The following CIP2A variants were observed in gnomAD, a reference collection of about 807,000 sequenced individuals.
CIP2A encodes the protein cellular inhibitor of PP2A, also known as protein CIP2A.
Under a neutral mutation model 110.9 loss-of-function variants are expected in CIP2A, and 103 were observed. The observed-to-expected ratio is 0.93, with a 90% CI of 0.79 to 1.09. The LOEUF (loss-of-function observed/expected upper bound fraction) is 1.09. CIP2A is among the 50% of genes least tolerant of loss of function. CIP2A has a pLI of 0.00. For missense variants in CIP2A, 1,088 were observed against 1,038.4 expected (o/e 1.05, Z -0.66); for synonymous variants, 381 against 361.6 (o/e 1.05, Z -0.61).
chr3:108,554,401 C>A lies in CIP2A; in HGVS notation c.2299G>T (p.Glu767Ter). 2 of 1,520,382 alleles carry A rather than the reference C, an allele frequency of 1.3e-6. No individual in the cohort carries two copies. Among genetic ancestry groups the A allele is most frequent in the Non-Finnish European group, 9.1e-7 (1 of 1,101,254 alleles). The allele number at this position is 1,520,382 out of a possible 1,614,324, so 94.2% of individuals were successfully genotyped here. Residue 767 changes from glutamate to a stop codon, truncating the protein, a stop_gained, in exon 18 of 21, where the codon GAG (glutamate) becomes TAG (stop). Coordinates refer to ENST00000295746, the MANE Select transcript of CIP2A (RefSeq NM_020890.3). LOFTEE classifies it high-confidence loss of function. ...TTTTCATTTTGTTCCTTGAGTGACT[C>A]ATTCAACTTTTTCACTGTCTCAATT... ...KQIETVKKLN[E>*]SLKEQNEKSI...
At chr3:108,565,588 T>C in intron 11 of CIP2A, 134 bp from the exon 12 acceptor site, 1 of 538,122 alleles carries the variant, frequency 1.9e-6, no homozygotes, top group South Asian at 2.8e-5. Flanking sequence ...GTCCTGTTTC[T>C]ATTGAGAAGT....
chr3:108,582,991 A>C lies in CIP2A; in HGVS notation c.343T>G (p.Ser115Ala). 6.2e-7 allele frequency: 1 copy of C among 1,608,818 alleles called. No individual in the cohort carries two copies. The highest frequency in any genetic ancestry group is 1.3e-5 in the African/African-American group (1 of 74,862). Reference sequence around the variant, plus strand: ...GGTCTGTATACCTGCAAAAACACCGAATCAGTGTGGCTGCTCCGACAAACC... The same window carrying C: ...GGTCTGTATACCTGCAAAAACACCGCATCAGTGTGGCTGCTCCGACAAACC... ...GVVCRSSHTDSVFLQCIQLLQ... is the reference protein window; with the variant it reads ...GVVCRSSHTDAVFLQCIQLLQ... The change falls in exon 3 of 21, where the codon TCG becomes GCG. Residue 115 changes from serine to alanine, a missense_variant. Ser to Ala is a moderately conservative substitution (Grantham distance 99). Coordinates refer to ENST00000295746, the MANE Select transcript of CIP2A (RefSeq NM_020890.3).
Position 108,579,172 on chromosome 3 carries a change from A to C in CIP2A, c.818+109T>G. ...ATCAAAACATTTTAGTCTACTGTGA[A>C]TCAGTAGAATCCAAGTTTATTATAT... On this transcript the variant is annotated intron_variant, in intron 7 of 20. Transcript: ENST00000295746. 1.1e-5 allele frequency: 9 copies of C among 829,578 alleles called. No homozygotes were observed. The South Asian group carries it at 1.4e-4, about 13-fold the overall frequency. 51.4% of individuals were successfully genotyped at this position (829,578 alleles called of 1,614,324 possible).
intron 8 of CIP2A, among the ~76,000 whole-genome samples, chr3:108,574,342 A>G (rs1391255294): frequency 6.6e-6 from 1 of 152,236 alleles, no homozygotes; most frequent in Non-Finnish European, 1.5e-5. Context: ...TGAAAAAGTG[A>G]AAAATATCAA....
At position 108,551,005 on chromosome 3, in the gene CIP2A, G is replaced by C. The variant is rs953316397; in HGVS notation, c.*144C>G. 6.4e-5 allele frequency: 24 copies of C among 374,462 alleles called. No homozygotes were observed. The highest frequency in any genetic ancestry group is 4.8e-4 in the African/African-American group (23 of 47,816). 23.2% of individuals were successfully genotyped at this position (374,462 alleles called of 1,614,324 possible). A position where few individuals can be genotyped will look rare whatever the true frequency, so the allele number is the denominator to read the frequency against. ...ATTCAAACTATCAAATAAAAAACATGCAACAGATCAGGGTCTTTACTAAAT... is the reference window on the plus strand; with the variant it reads ...ATTCAAACTATCAAATAAAAAACATCCAACAGATCAGGGTCTTTACTAAAT... On this transcript the variant is annotated 3_prime_UTR_variant, in exon 21 of 21. Coordinates refer to ENST00000295746, the MANE Select transcript of CIP2A (RefSeq NM_020890.3).
At chr3:108,578,988 T>C (rs1938772125) in intron 7 of CIP2A, among the ~76,000 whole-genome samples, 1 of 152,194 alleles carries the variant, frequency 6.6e-6, no homozygotes, top group Admixed American at 6.5e-5. Context: ...TACTTACGTT[T>C]TAAAACTGGT....
chr3:108,585,120 G>A lies in CIP2A; in HGVS notation c.195C>T (p.Asp65=). The A allele has an allele frequency of 1.2e-6, 2 of 1,613,524 alleles. No individual in the cohort carries two copies. The highest frequency in any genetic ancestry group is 1.7e-6 in the Non-Finnish European group (2 of 1,179,560). Residue 65 remains aspartate (D), a synonymous_variant, in exon 2 of 21, where the codon GAC becomes GAT. Coordinates refer to ENST00000295746, the MANE Select transcript of CIP2A (RefSeq NM_020890.3). ...AGATCAGTGAAGCACTTATGTTGGGGTCTTCAAGTAGCTCTACAAGGCAAC... is the reference window on the plus strand; with the variant it reads ...AGATCAGTGAAGCACTTATGTTGGGATCTTCAAGTAGCTCTACAAGGCAAC... ...CLSCLVELLE[D]PNISASLILS... is the part of the protein sequence containing the mutation.
Position 108,579,375 on chromosome 3 carries a change from G to C in CIP2A, c.724C>G (p.Leu242Val). The C allele has an allele frequency of 6.2e-7, 1 of 1,605,550 alleles. No individual in the cohort carries two copies. The highest frequency in any genetic ancestry group is 8.5e-7 in the Non-Finnish European group (1 of 1,172,826). The part of the protein sequence containing the change: ...HQTFQLIFNI[L>V]INGDGTLTRK... ...GTTAGAGTGCCATCACCGTTTATGA[G>C]AATATTAAATATTAGTTGAAAAGTC... The change falls in exon 7 of 21, where the codon CTC (leucine) becomes GTC (valine). Residue 242 changes from leucine (L) to valine (V), a missense_variant. Leu to Val is a conservative substitution (Grantham distance 32, BLOSUM62 1). Coordinates refer to ENST00000295746, the MANE Select transcript of CIP2A (RefSeq NM_020890.3).
intron 8 of CIP2A, among the ~76,000 whole-genome samples, chr3:108,575,413 T>C (rs1938552335): frequency 1.4e-5 from 2 of 139,032 alleles, no homozygotes; most frequent in Non-Finnish European, 3.2e-5. Context: ...TGTGTATGTA[T>C]ACATATACAT....
Position 108,569,545 on chromosome 3 carries a change from C to G in CIP2A, c.957G>C (p.Met319Ile). Reference sequence around the variant, plus strand: ...TGCCAGGTGGAGACTGTTCAAACATCATCTGAGTGAGCATATGGCGCAGCT... The same window carrying G: ...TGCCAGGTGGAGACTGTTCAAACATGATCTGAGTGAGCATATGGCGCAGCT... ...VTQLRHMLTQ[M>I]MFEQSPPGSA... The change falls in exon 9 of 21, where the codon ATG becomes ATC. Residue 319 changes from methionine (M) to isoleucine (I), a missense_variant. Met to Ile is a conservative substitution (Grantham distance 10). Coordinates refer to ENST00000295746, the MANE Select transcript of CIP2A (RefSeq NM_020890.3). The G allele has an allele frequency of 6.2e-7, 1 of 1,612,734 alleles. No homozygotes were observed. The highest frequency in any genetic ancestry group is 2.2e-5 in the East Asian group (1 of 44,800).
intron 8 of CIP2A, among the ~76,000 whole-genome samples, chr3:108,575,301 TACGTACACACACGTGC>T (rs1282359835): frequency 1.4e-5 from 2 of 138,064 alleles, no homozygotes; most frequent in African/African-American, 6.9e-5. Flanking sequence ...CACACACGTG[TACGTACACACACGTGC>T]ATGTACACAC....
intron 1 of CIP2A, chr3:108,585,564 C>T: frequency 2.6e-6 from 1 of 389,518 alleles, no homozygotes; most frequent in East Asian, 6.8e-5. Context: ...AATATTTCTC[C>T]TTCACACTAC....
Position 108,589,396 on chromosome 3 carries a change from T to G in CIP2A, c.-21A>C, listed in dbSNP as rs1435661050. 5.1e-6 allele frequency: 8 copies of G among 1,576,582 alleles called. No individual in the cohort carries two copies. The African/African-American group carries it at 6.8e-5, about 13-fold the overall frequency. On this transcript the variant is annotated 5_prime_UTR_variant, in exon 1 of 21. Coordinates refer to ENST00000295746, the MANE Select transcript of CIP2A (RefSeq NM_020890.3). The stretch of plus-strand genomic sequence containing the variant: ...TCCATTGCACCGGCCGCGGCCCGGC[T>G]TAGGGACCACCACCGCCCAGCGTGC...
chr3:108,571,719 T>C (rs545989667), intron 8 of CIP2A, among the ~76,000 whole-genome samples: 57 of 152,270 alleles, frequency 3.7e-4, no homozygotes, highest in African/African-American at 1.3e-3. Context: ...TTGTTAGCTA[T>C]TAGGAGCAGT....
At chr3:108,579,178 A>G in intron 7 of CIP2A, 103 bp downstream of exon 7, 2 of 891,416 alleles carry the variant, frequency 2.2e-6, no homozygotes. Context: ...GTGAATCAGT[A>G]GAATCCAAGT....
At chr3:108,582,284 A>G in intron 3 of CIP2A, 82 bp from the exon 4 acceptor site, 1 of 541,874 alleles carries the variant, frequency 1.8e-6, no homozygotes, top group Non-Finnish European at 3.2e-6. Flanking sequence ...GCACATTCTG[A>G]GCATGTCCTT....
chr3:108,574,708 G>T (rs1407984928), intron 8 of CIP2A: 1 of 152,406 alleles, frequency 6.6e-6, no homozygotes, highest in Admixed American at 6.6e-5. Context: ...CCTTTCCAAT[G>T]TACATTCATG....
Position 108,570,512 on chromosome 3 carries a change from G to A in CIP2A, c.895-905C>T, listed in dbSNP as rs188407127. ...AAACCTAGATGGTAGAGCCTACTAC[G>A]TCCCTTTATTGCCCGTGGGCTACAA... On this transcript the variant is annotated intron_variant, in intron 8 of 20. Transcript: ENST00000295746. Among the ~76,000 whole-genome samples, 111 of 152,148 alleles carry A rather than the reference G, an allele frequency of 7.3e-4. 1 individual carries two copies. The highest frequency in any genetic ancestry group is 1.3e-3 in the Admixed American group (20 of 15,246).
intron 5 of CIP2A, among the ~76,000 whole-genome samples, chr3:108,579,985 A>G (rs1214945362): frequency 6.6e-6 from 1 of 152,242 alleles, no homozygotes; most frequent in Non-Finnish European, 1.5e-5. Flanking sequence ...AAATAATTCA[A>G]TGATGGTAAA....
Sources: allele counts gnomAD v4.1 joint callset (sites outside exome capture counted in the v4.1 genomes callset), GRCh38; gene constraint gnomAD v4.1.1; transcripts MANE v1.5; gene names NCBI Gene and HGNC (gene_info 2026-07-23, HGNC 2026-07-21).